Variants in ABLIM3 observed in about 807,000 individuals in gnomAD.
The protein encoded by ABLIM3 is actin binding LIM protein family member 3, also known as actin-binding LIM protein 3.
In ABLIM3, 61 loss-of-function variants were observed where a neutral mutation model predicts 109.5. The observed-to-expected ratio is 0.56, with a 90% CI of 0.45 to 0.69. The LOEUF is 0.69. Among genes scored for constraint, ABLIM3 ranks in the 30% least tolerant of loss-of-function variants. The pLI is 0.00. For missense variants in ABLIM3, 796 were observed against 889.5 expected (o/e 0.89, Z 1.34); for synonymous variants, 300 against 324.8 (o/e 0.92, Z 0.82).
chr5:149,167,747 C>T (rs1403366012), intron 2 of ABLIM3, among the ~76,000 whole-genome samples: 1 of 152,114 alleles, frequency 6.6e-6, no homozygotes, highest in Non-Finnish European at 1.5e-5. Flanking sequence ...AGGAAATAAA[C>T]ATTAAGCAAA....
intron 7 of ABLIM3, among the ~76,000 whole-genome samples, chr5:149,212,862 C>A (rs1326118859): frequency 6.6e-6 from 1 of 152,132 alleles, no homozygotes; most frequent in African/African-American, 2.4e-5. Flanking sequence ...TGGTGGCTCA[C>A]ACCTGTAATC....
At chr5:149,171,673 G>A (rs1331528445) in intron 2 of ABLIM3, among the ~76,000 whole-genome samples, 1 of 152,208 alleles carries the variant, frequency 6.6e-6, no homozygotes, top group Admixed American at 6.5e-5. Context: ...ATGGAACATA[G>A]GATGTGGACT....
chr5:149,232,759 G>A (rs4490572), intron 9 of ABLIM3, among the ~76,000 whole-genome samples: 56,727 of 139,390 alleles, frequency 0.41, 10,995 homozygotes, highest in East Asian at 0.62. Context: ...TTCAGAGACA[G>A]TTTTTTTTTT....
chr5:149,184,818 C>T (rs1224416516), intron 3 of ABLIM3, among the ~76,000 whole-genome samples: 1 of 152,188 alleles, frequency 6.6e-6, no homozygotes, highest in Non-Finnish European at 1.5e-5. Context: ...TGTGAAAATC[C>T]TGAACTTCTT....
chr5:149,232,576 G>C (rs946911579), intron 9 of ABLIM3, among the ~76,000 whole-genome samples: 1 of 152,198 alleles, frequency 6.6e-6, no homozygotes, highest in African/African-American at 2.4e-5. Context: ...AAGTGATCCT[G>C]AAGCTCAGCC....
At chr5:149,250,601 T>C in intron 20 of ABLIM3, 96 bp downstream of exon 20, 6 of 1,426,172 alleles carry the variant, frequency 4.2e-6, no homozygotes, top group Non-Finnish European at 5.9e-6. Context: ...TGAGCAAAGG[T>C]CCTGGGGCTA....
At chr5:149,142,235 C>A in intron 2 of ABLIM3, 127 bp downstream of exon 2, 2 of 1,359,148 alleles carry the variant, frequency 1.5e-6, no homozygotes, top group Non-Finnish European at 2.1e-6. Context: ...CCCCCAGGCT[C>A]TTTTTTGGTG....
At chr5:149,207,187 C>A in intron 6 of ABLIM3, 53 bp downstream of exon 6, 1 of 1,590,922 alleles carries the variant, frequency 6.3e-7, no homozygotes, top group Non-Finnish European at 8.6e-7. Context: ...TTCTGTGAGG[C>A]CTGCCCCATT....
At chr5:149,170,228 T>TTCTCTCTC (rs10644957) in intron 2 of ABLIM3, among the ~76,000 whole-genome samples, 6,187 of 124,522 alleles carry the variant, frequency 0.05, 221 homozygotes, top group East Asian at 0.15. Flanking sequence ...AGGGTTCTGT[T>TTCTCTCTC]TCTCTCTCTC....
chr5:149,244,800 C>G, intron 15 of ABLIM3, 81 bp from the exon 16 acceptor site: 6 of 1,582,266 alleles, frequency 3.8e-6, no homozygotes, highest in Non-Finnish European at 5.2e-6. Flanking sequence ...GGGCTGGAGC[C>G]TGGTAAAGAT....
chr5:149,147,561 C>T (rs1456578480), intron 2 of ABLIM3, among the ~76,000 whole-genome samples: 1 of 152,028 alleles, frequency 6.6e-6, no homozygotes, highest in African/African-American at 2.4e-5. Flanking sequence ...TTTCAATCTG[C>T]CTTTAGTTGA....
chr5:149,197,973 C>A (rs2127495494), intron 3 of ABLIM3, among the ~76,000 whole-genome samples: 1 of 152,150 alleles, frequency 6.6e-6, no homozygotes, highest in African/African-American at 2.4e-5. Context: ...GATACTGATG[C>A]TAGTGGCCTA....
At chr5:149,245,937 A>C (rs1295168977) in intron 16 of ABLIM3, among the ~76,000 whole-genome samples, 1 of 152,192 alleles carries the variant, frequency 6.6e-6, no homozygotes, top group Non-Finnish European at 1.5e-5. Flanking sequence ...CCAAGTTGGG[A>C]AGATCACTTG....
intron 15 of ABLIM3, among the ~76,000 whole-genome samples, chr5:149,242,852 C>T (rs1265141929): frequency 6.6e-6 from 1 of 152,210 alleles, no homozygotes; most frequent in Non-Finnish European, 1.5e-5. Flanking sequence ...GAGAGTCACA[C>T]TCCAAGGCAT....
chr5:149,149,890 C>T (rs1753273139), intron 2 of ABLIM3, among the ~76,000 whole-genome samples: 1 of 152,184 alleles, frequency 6.6e-6, no homozygotes, highest in Admixed American at 6.5e-5. Flanking sequence ...ACTGCTACCA[C>T]AACTGCCCCT....
At chr5:149,218,496 G>A (rs1489617388) in intron 8 of ABLIM3, 6 of 152,342 alleles carry the variant, frequency 3.9e-5, no homozygotes, top group Non-Finnish European at 8.8e-5. Flanking sequence ...TGAGAGGACA[G>A]AGCCTGCAAG....
chr5:149,206,905 G>A, intron 5 of ABLIM3, 103 bp from the exon 6 acceptor site: 1 of 1,488,630 alleles, frequency 6.7e-7, no homozygotes, highest in Non-Finnish European at 9.1e-7. Context: ...AGCAACTATG[G>A]GAACACTGGC....
At chr5:149,222,379 T>C (rs958777639) in intron 8 of ABLIM3, among the ~76,000 whole-genome samples, 16 of 152,242 alleles carry the variant, frequency 1.1e-4, no homozygotes, top group Admixed American at 9.8e-4. Context: ...GCAATTTTCT[T>C]ACATCTATAT....
intron 7 of ABLIM3, among the ~76,000 whole-genome samples, chr5:149,211,576 G>A (rs999493963): frequency 6.6e-6 from 1 of 152,090 alleles, no homozygotes; most frequent in African/African-American, 2.4e-5. Flanking sequence ...TGCTTTTCTA[G>A]GCCTCAGTTT....
Sources: allele counts gnomAD v4.1 joint callset (sites outside exome capture counted in the v4.1 genomes callset), GRCh38; gene constraint gnomAD v4.1.1; transcripts MANE v1.5; gene names NCBI Gene and HGNC (gene_info 2026-07-23, HGNC 2026-07-21).